Variants in AKAP11 observed in about 807,000 individuals in gnomAD.
AKAP11 encodes the protein A-kinase anchoring protein 11.
In AKAP11, 36 loss-of-function variants were observed where a neutral mutation model predicts 146.1. That is an observed-to-expected ratio of 0.25 (90% CI 0.19 to 0.33). The LOEUF is 0.33. Ranked by LOEUF, AKAP11 falls within the 10% of genes least tolerant of loss-of-function variation. The probability of loss-of-function intolerance (pLI) is 1.00; values close to 1 mark genes in which losing one functional copy is unlikely to be tolerated. For missense variants in AKAP11, 2,201 were observed against 2,197.0 expected, an observed-to-expected ratio of 1.00 and a Z score of -0.04; for synonymous variants, 780 against 786.5, an observed-to-expected ratio of 0.99 and a Z score of 0.14.
chr13:42,300,260 G>T lies in AKAP11; in HGVS notation c.1514G>T (p.Arg505Leu), dbSNP rs746925599. The T allele has an allele frequency of 2.5e-6, 4 of 1,613,522 alleles. No homozygotes were observed. The African/African-American group carries it at 5.3e-5, about 22-fold the overall frequency. The change falls in exon 8 of 13, where the codon CGT (arginine) becomes CTT (leucine). Residue 505 changes from arginine (R) to leucine (L), a missense_variant. By Grantham distance (102) the Arg-to-Leu change is moderately radical. Around this residue, in one of 3 missense-constraint regions of AKAP11, gnomAD observed 1,867 missense variants for 1,833.5 expected, o/e 1.02. Transcript: ENST00000025301. ...ISCEVLGSVL[R>L]THHTNTLSNI... Reference sequence around the variant, plus strand: ...TGTGAAGTACTAGGCTCAGTTCTTCGTACCCACCATACTAATACCCTATCA... The same window carrying T: ...TGTGAAGTACTAGGCTCAGTTCTTCTTACCCACCATACTAATACCCTATCA...
intron 11 of AKAP11, among the ~76,000 whole-genome samples, chr13:42,314,392 C>T (rs1262081340): frequency 6.8e-6 from 1 of 147,200 alleles, no homozygotes; most frequent in Non-Finnish European, 1.5e-5. Flanking sequence ...TTGCAGTGAG[C>T]CGAGATCATG....
At chr13:42,276,894 T>C (rs939935900) in intron 1 of AKAP11, among the ~76,000 whole-genome samples, 30 of 152,314 alleles carry the variant, frequency 2.0e-4, no homozygotes, top group African/African-American at 7.0e-4. Context: ...GCGTCATAGA[T>C]GTCACTGATA....
Position 42,301,363 on chromosome 13 carries a change from A to G in AKAP11, c.2617A>G (p.Ser873Gly), listed in dbSNP as rs1959891105. Residue 873 changes from serine to glycine, a missense_variant, in exon 8 of 13, where the codon AGC becomes GGC. By Grantham distance (56) the Ser-to-Gly change is moderately conservative. This residue lies in a region of AKAP11 where 1,867 missense variants were observed against 1,833.5 expected (regional missense o/e 1.02). Coordinates refer to ENST00000025301, the MANE Select transcript of AKAP11 (RefSeq NM_016248.4). ...SKLPNDPAIISNFSAAVVHTI... is the reference protein window; with the variant it reads ...SKLPNDPAIIGNFSAAVVHTI... ...ATTACCAAATGATCCTGCAATTATT[A>G]GCAACTTTTCTGCAGCAGTGGTGCA... 3 of 1,613,870 alleles carry G rather than the reference A, an allele frequency of 1.9e-6. No homozygotes were observed. The highest frequency in any genetic ancestry group is 1.7e-5 in the Admixed American group (1 of 59,982).
At position 42,305,131 on chromosome 13, in the gene AKAP11, C is replaced by G. The variant is rs542666332; in HGVS notation, c.5117+1268C>G. Among the ~76,000 whole-genome samples the G allele has an allele frequency of 8.5e-5, 13 of 152,304 alleles. No homozygotes were observed. The East Asian group carries it at 1.9e-3, about 23-fold the overall frequency. The stretch of plus-strand genomic sequence containing the variant: ...TTTGTCCCTGAGAAGATATCAGGAC[C>G]AACTTGTGTTATTAGTTGATAGGAT... On this transcript the variant is annotated intron_variant, in intron 8 of 12. Coordinates refer to ENST00000025301, the MANE Select transcript of AKAP11 (RefSeq NM_016248.4).
At position 42,320,527 on chromosome 13, in the gene AKAP11, C is replaced by G; in HGVS notation, c.*1299C>G. 1 of 140,490 alleles carries G rather than the reference C, an allele frequency of 7.1e-6. No homozygotes were observed. The highest frequency in any genetic ancestry group is 2.7e-4 in the South Asian group (1 of 3,752). The allele number at this position is 140,490 out of a possible 1,614,324, so 8.7% of individuals were successfully genotyped here. ...CACTCTCTTCCCCCTCCCCCCTCCT[C>G]CCACTGTCTCTCACCTCCCCCACCC... On this transcript the variant is annotated 3_prime_UTR_variant, in exon 13 of 13. Coordinates refer to ENST00000025301, the MANE Select transcript of AKAP11 (RefSeq NM_016248.4).
In AKAP11 at chr13:42,319,372, G is replaced by A; in HGVS notation, c.*144G>A. 2 of 1,042,242 alleles carry A rather than the reference G, an allele frequency of 1.9e-6. No homozygotes were observed. The highest frequency in any genetic ancestry group is 2.7e-6 in the Non-Finnish European group (2 of 738,426). The allele number at this position is 1,042,242 out of a possible 1,614,324, so 64.6% of individuals were successfully genotyped here. ...GTAAATATAGCTTTCTGAGCGCTTT[G>A]TGTTATCACTCGGTGTATATAGTTC... On this transcript the variant is annotated 3_prime_UTR_variant, in exon 13 of 13. Transcript: ENST00000025301.
intron 8 of AKAP11, among the ~76,000 whole-genome samples, chr13:42,304,781 C>T (rs973519330): frequency 2.0e-5 from 3 of 148,894 alleles, no homozygotes; most frequent in East Asian, 2.0e-4. Context: ...GATGGAGTCT[C>T]GCACTGTTGC....
At position 42,292,481 on chromosome 13, in the gene AKAP11, G is replaced by A. The variant is rs771277177; in HGVS notation, c.148G>A (p.Glu50Lys). The change falls in exon 4 of 13, where the codon GAG (glutamate) becomes AAG (lysine). Residue 50 changes from glutamate to lysine, a missense_variant. By Grantham distance (56) the Glu-to-Lys change is moderately conservative. Transcript: ENST00000025301. ...AGCAGAGGACTGTTTACAGCAGGAT[G>A]AGCATGCCAATTTAACTGAGGTTTA... ...VTAEDCLQQDEHANLTEVTFL... is the reference protein window; with the variant it reads ...VTAEDCLQQDKHANLTEVTFL... 3.8e-6 allele frequency: 6 copies of A among 1,571,570 alleles called. No individual in the cohort carries two copies. The East Asian group carries it at 1.4e-4, about 36-fold the overall frequency.
At chr13:42,279,281 ACTCT>A (rs71761653) in intron 1 of AKAP11, among the ~76,000 whole-genome samples, 97 of 146,682 alleles carry the variant, frequency 6.6e-4, no homozygotes, top group East Asian at 2.6e-3. Flanking sequence ...ACACACACAC[ACTCT>A]CTCTCTCTCA....
At chr13:42,311,337 G>GT (rs950002435) in intron 9 of AKAP11, among the ~76,000 whole-genome samples, 8 of 152,174 alleles carry the variant, frequency 5.3e-5, no homozygotes, top group Non-Finnish European at 1.2e-4. Context: ...AAGAAATTAA[G>GT]TTTTTTAAAT....
chr13:42,282,410 ACTT>A (rs1468956857), intron 1 of AKAP11, among the ~76,000 whole-genome samples: 1 of 151,898 alleles, frequency 6.6e-6, no homozygotes, highest in Non-Finnish European at 1.5e-5. Flanking sequence ...GAATTGATGA[ACTT>A]CTAGATTATT....
Position 42,323,249 on chromosome 13 carries a change from A to C in AKAP11, c.*4021A>C, listed in dbSNP as rs1018368253. On this transcript the variant is annotated 3_prime_UTR_variant, in exon 13 of 13. Transcript: ENST00000025301. The stretch of plus-strand genomic sequence containing the variant: ...TCTCCCAGCTAAGAGTTCTTCAATA[A>C]ATTTAAGAAATACCTGGTCTTGGTT... 1 of 152,614 alleles carries C rather than the reference A, an allele frequency of 6.6e-6. No individual in the cohort carries two copies. Among genetic ancestry groups the C allele is most frequent in the Non-Finnish European group, 1.5e-5 (1 of 68,022 alleles). The allele number at this position is 152,614 out of a possible 1,614,324, so 9.5% of individuals were successfully genotyped here.
rs1302908862 is a variant in AKAP11 at position 42,313,795 on chromosome 13, A to G, written c.5358-99A>G. ...CCCCTTTCTAAATGTCATATGTCAT[A>G]TTGTAACATTCATTCATTACCACAT... On this transcript the variant is annotated intron_variant, in intron 10 of 12. Transcript: ENST00000025301. 4 of 984,082 alleles carry G rather than the reference A, an allele frequency of 4.1e-6. No individual in the cohort carries two copies. The Admixed American group carries it at 8.4e-5, about 21-fold the overall frequency. The allele number at this position is 984,082 out of a possible 1,614,324, so 61.0% of individuals were successfully genotyped here. A position where few individuals can be genotyped will look rare whatever the true frequency, so the allele number is the denominator to read the frequency against.
At chr13:42,298,479 G>A (rs1006673961) in intron 6 of AKAP11, 54 bp from the exon 7 acceptor site, 93 of 1,565,322 alleles carry the variant, frequency 5.9e-5, no homozygotes, top group Non-Finnish European at 7.5e-5. Flanking sequence ...TTTACTTCAT[G>A]TTGTTTTGTA....
rs1414743211 is a variant in AKAP11 at position 42,320,881 on chromosome 13, A to G, written c.*1653A>G. ...CTTTTCAAGAAAAATGCCAAAAGCT[A>G]TTTAAATAATTCGAGGTTACATCGT... On this transcript the variant is annotated 3_prime_UTR_variant, in exon 13 of 13. Coordinates refer to ENST00000025301, the MANE Select transcript of AKAP11 (RefSeq NM_016248.4). 2 of 152,378 alleles carry G rather than the reference A, an allele frequency of 1.3e-5. No individual in the cohort carries two copies. Among genetic ancestry groups the G allele is most frequent in the Non-Finnish European group, 2.9e-5 (2 of 68,044 alleles). 9.4% of individuals were successfully genotyped at this position (152,378 alleles called of 1,614,324 possible).
chr13:42,273,571 C>T (rs1958834269), intron 1 of AKAP11, among the ~76,000 whole-genome samples: 1 of 152,052 alleles, frequency 6.6e-6, no homozygotes, highest in Non-Finnish European at 1.5e-5. Context: ...AATGTATGTA[C>T]CCACATAACT....
At chr13:42,317,801 T>TC in intron 12 of AKAP11, 113 bp downstream of exon 12, 1 of 1,251,106 alleles carries the variant, frequency 8.0e-7, no homozygotes. Context: ...GGCTGTAGTG[T>TC]CCAACAGTTT....
At chr13:42,291,598 A>G (rs747159421) in intron 3 of AKAP11, among the ~76,000 whole-genome samples, 9 of 152,188 alleles carry the variant, frequency 5.9e-5, no homozygotes, top group Non-Finnish European at 1.0e-4. Flanking sequence ...TGCACAACAT[A>G]CAGCAGGAAC....
intron 11 of AKAP11, among the ~76,000 whole-genome samples, chr13:42,317,063 C>T (rs886475060): frequency 4.6e-5 from 7 of 151,826 alleles, no homozygotes; most frequent in African/African-American, 1.5e-4. Flanking sequence ...TTTTTAATAG[C>T]GCTGGGGTTT....
Sources: gnomAD v4.1 joint callset for allele counts (sites outside exome capture counted in the v4.1 genomes callset) on GRCh38, gnomAD v4.1.1 for gene constraint, gnomAD v4.1.1 regional missense constraint, MANE v1.5 for transcripts, NCBI Gene and HGNC (gene_info 2026-07-23, HGNC 2026-07-21) for gene names.